Variants in GRIP1 observed in about 807,000 individuals in gnomAD.
GRIP1 encodes the protein glutamate receptor-interacting protein 1.
A neutral mutation model predicts 129.9 loss-of-function variants in GRIP1; 45 were observed. That is an observed-to-expected ratio of 0.35 (90% confidence interval 0.27 to 0.44). The LOEUF (loss-of-function observed/expected upper bound fraction) is 0.44. GRIP1 is among the 20% of genes least tolerant of loss of function. The pLI is 1.00. For synonymous variants in GRIP1, 530 were observed against 520.8 expected (o/e 1.02, Z -0.24); for missense variants, 1,196 against 1,396.8 (o/e 0.86, Z 2.29).
intron 1 of GRIP1, among the ~76,000 whole-genome samples, chr12:66,897,596 T>C (rs993380452): frequency 6.6e-6 from 1 of 152,196 alleles, no homozygotes; most frequent in African/African-American, 2.4e-5. Flanking sequence ...TGGTGGCGGA[T>C]GAGCTAAACA....
intron 1 of GRIP1, among the ~76,000 whole-genome samples, chr12:66,900,832 A>C (rs1350786400): frequency 2.0e-5 from 3 of 152,216 alleles, no homozygotes; most frequent in Non-Finnish European, 2.9e-5. Context: ...TGCCAACTGG[A>C]AAAACATCAG....
At chr12:66,761,173 C>T (rs139281087) in intron 1 of GRIP1, among the ~76,000 whole-genome samples, 111 of 152,072 alleles carry the variant, frequency 7.3e-4, no homozygotes, top group Middle Eastern at 3.4e-3. Context: ...ACAGATCCTT[C>T]GCTAAATCTT....
At chr12:66,778,113 T>C (rs893286794) in intron 1 of GRIP1, among the ~76,000 whole-genome samples, 5 of 152,222 alleles carry the variant, frequency 3.3e-5, no homozygotes, top group African/African-American at 1.2e-4. Context: ...AATATACTGG[T>C]ATAATAAAAT....
intron 19 of GRIP1, among the ~76,000 whole-genome samples, chr12:66,385,791 G>A (rs2056333432): frequency 6.6e-6 from 1 of 151,924 alleles, no homozygotes; most frequent in Non-Finnish European, 1.5e-5. Context: ...TGAATTTTTA[G>A]TAGAGACAGG....
At chr12:67,009,357 A>C (rs538458003) in intron 1 of GRIP1, among the ~76,000 whole-genome samples, 2 of 152,284 alleles carry the variant, frequency 1.3e-5, no homozygotes, top group South Asian at 4.1e-4. Context: ...CTTTCGATTA[A>C]CTTTGACAGG....
intron 1 of GRIP1, among the ~76,000 whole-genome samples, chr12:66,832,355 G>T (rs1300758818): frequency 1.3e-5 from 2 of 152,102 alleles, no homozygotes; most frequent in African/African-American, 4.8e-5. Flanking sequence ...GACATAAAAT[G>T]CTATCTACGA....
chr12:66,505,691 T>C (rs1332354152), intron 7 of GRIP1, among the ~76,000 whole-genome samples: 8 of 152,208 alleles, frequency 5.3e-5, no homozygotes, highest in Non-Finnish European at 1.2e-4. Flanking sequence ...TTTAATTCTT[T>C]AAAAAAATTC....
At chr12:66,745,670 A>C (rs565007172) in intron 1 of GRIP1, among the ~76,000 whole-genome samples, 7 of 152,212 alleles carry the variant, frequency 4.6e-5, no homozygotes, top group Non-Finnish European at 5.9e-5. Flanking sequence ...TATCATAAAA[A>C]GGATAAGACT....
intron 19 of GRIP1, among the ~76,000 whole-genome samples, chr12:66,380,355 GCTTTCACCCCT>G (rs1273775704): frequency 3.3e-5 from 5 of 152,142 alleles, no homozygotes; most frequent in Non-Finnish European, 5.9e-5. Flanking sequence ...TCACAGCAAG[GCTTTCACCCCT>G]CTCTCTTGTC....
chr12:66,510,960 T>A (rs183032866), intron 7 of GRIP1, among the ~76,000 whole-genome samples: 3 of 152,234 alleles, frequency 2.0e-5, no homozygotes, highest in Admixed American at 2.0e-4. Context: ...TACTACCACA[T>A]GCTGATCAGA....
chr12:66,623,165 A>AT (rs2065349104), intron 1 of GRIP1, among the ~76,000 whole-genome samples: 1 of 152,192 alleles, frequency 6.6e-6, no homozygotes, highest in South Asian at 2.1e-4. Context: ...TAGTTACAAG[A>AT]AATATTTTCA....
intron 7 of GRIP1, among the ~76,000 whole-genome samples, chr12:66,472,141 C>A (rs1166335534): frequency 2.0e-5 from 3 of 152,206 alleles, no homozygotes; most frequent in Non-Finnish European, 2.9e-5. Context: ...TAATTATATT[C>A]TTGCTAGGAT....
At chr12:66,356,975 C>G (rs977373012) in intron 23 of GRIP1, among the ~76,000 whole-genome samples, 1 of 152,174 alleles carries the variant, frequency 6.6e-6, no homozygotes, top group African/African-American at 2.4e-5. Context: ...CTCCTGGGTT[C>G]AAGCAATTCT....
intron 2 of GRIP1, among the ~76,000 whole-genome samples, chr12:66,572,900 T>C (rs745868030): frequency 6.6e-6 from 1 of 152,176 alleles, no homozygotes; most frequent in Non-Finnish European, 1.5e-5. Flanking sequence ...GTTTTCTATA[T>C]GACAGTTCTC....
chr12:66,349,151 G>C lies in GRIP1; in HGVS notation c.3255C>G (p.Asn1085Lys). 6.2e-7 allele frequency: 1 copy of C among 1,613,892 alleles called. No individual in the cohort carries two copies. Among genetic ancestry groups the C allele is most frequent in the African/African-American group, 1.3e-5 (1 of 75,032 alleles). Residue 1085 changes from asparagine to lysine, a missense_variant, in exon 25 of 25, where the codon AAC becomes AAG. This residue lies in a region of GRIP1 where 427 missense variants were observed against 463.3 expected (regional missense o/e 0.92). Transcript: ENST00000359742. ...GNKLDLVISR[N>K]PLASQKSIDQ... ...CTATAGACTTCTGTGAAGCCAGTGG[G>C]TTTCTACTAATAACCAGGTCCAGCT...
chr12:66,625,370 C>T (rs1293425375), intron 1 of GRIP1, among the ~76,000 whole-genome samples: 4 of 152,112 alleles, frequency 2.6e-5, no homozygotes, highest in Non-Finnish European at 4.4e-5. Context: ...TTTTCACATA[C>T]GTACTTTCCC....
At chr12:66,803,665 T>C (rs1233061859) in intron 1 of GRIP1, among the ~76,000 whole-genome samples, 1 of 152,186 alleles carries the variant, frequency 6.6e-6, no homozygotes, top group Non-Finnish European at 1.5e-5. Flanking sequence ...TAACATCAAC[T>C]TGAACATGAA....
intron 1 of GRIP1, among the ~76,000 whole-genome samples, chr12:66,746,225 A>G (rs1280561578): frequency 6.6e-6 from 1 of 152,218 alleles, no homozygotes; most frequent in East Asian, 1.9e-4. Flanking sequence ...AGAGAAATCA[A>G]TCTCTATAAG....
At chr12:67,031,827 T>C (rs774391) in intron 1 of GRIP1, among the ~76,000 whole-genome samples, 49,029 of 152,080 alleles carry the variant, frequency 0.32, 9,544 homozygotes, top group East Asian at 0.59. Flanking sequence ...TTATTTGTTT[T>C]TGTTTGTCTT....
Sources: allele counts gnomAD v4.1 joint callset (sites outside exome capture counted in the v4.1 genomes callset), GRCh38; gene constraint gnomAD v4.1.1; regional missense constraint gnomAD v4.1.1; transcripts MANE v1.5; gene names NCBI Gene and HGNC (gene_info 2026-07-23, HGNC 2026-07-21).